Variants in ZNF423 observed in about 807,000 individuals in gnomAD.
The protein encoded by ZNF423 is Ebf-associated zinc finger protein.
In ZNF423, 12 loss-of-function variants were observed where a neutral mutation model predicts 95.8. The ratio of observed to expected loss-of-function variants is 0.13; its 90% CI spans 0.08 to 0.20. The LOEUF is 0.20. Among genes scored for constraint, ZNF423 ranks in the 10% least tolerant of loss-of-function variants. The probability of loss-of-function intolerance (pLI) is 1.00; values close to 1 mark genes in which losing one functional copy is unlikely to be tolerated. For missense variants in ZNF423, 1,316 were observed against 1,737.1 expected (o/e 0.76, Z 4.31); for synonymous variants, 749 against 711.9 (o/e 1.05, Z -0.83).
intron 1 of ZNF423, among the ~76,000 whole-genome samples, chr16:49,793,766 G>A (rs2034452873): frequency 6.6e-6 from 1 of 152,158 alleles, no homozygotes; most frequent in African/African-American, 2.4e-5. Flanking sequence ...ACAGAGCGGA[G>A]GCATGAGGGC....
intron 5 of ZNF423, among the ~76,000 whole-genome samples, chr16:49,564,014 C>T (rs1970102003): frequency 6.6e-6 from 1 of 152,224 alleles, no homozygotes; most frequent in Non-Finnish European, 1.5e-5. Context: ...TACCAGCAGG[C>T]TCTTTGCCTA....
intron 3 of ZNF423, among the ~76,000 whole-genome samples, chr16:49,649,610 A>G (rs1819866): frequency 0.77 from 116,489 of 151,360 alleles, 45,500 homozygotes; most frequent in African/African-American, 0.89. Context: ...AACATTAAAC[A>G]CTAAAGAAAC....
At chr16:49,738,426 A>ACTG (rs2033340333) in intron 2 of ZNF423, among the ~76,000 whole-genome samples, 1 of 152,174 alleles carries the variant, frequency 6.6e-6, no homozygotes, top group Non-Finnish European at 1.5e-5. Flanking sequence ...TGACCAAGGC[A>ACTG]AGTCCCCTAC....
At chr16:49,729,621 G>C (rs930347920) in intron 3 of ZNF423, among the ~76,000 whole-genome samples, 1 of 150,060 alleles carries the variant, frequency 6.7e-6, no homozygotes, top group Non-Finnish European at 1.5e-5. Flanking sequence ...GTCCAAAACT[G>C]TAAGATTCCT....
At chr16:49,721,027 T>A (rs923157710) in intron 3 of ZNF423, among the ~76,000 whole-genome samples, 2 of 152,214 alleles carry the variant, frequency 1.3e-5, no homozygotes, top group African/African-American at 4.8e-5. Flanking sequence ...GTCGAAAAGG[T>A]GGAGCCTGGA....
intron 1 of ZNF423, among the ~76,000 whole-genome samples, chr16:49,834,127 A>G (rs1049948264): frequency 6.6e-6 from 1 of 152,162 alleles, no homozygotes; most frequent in African/African-American, 2.4e-5. Context: ...GTCAGGATCA[A>G]TTGGAGGATG....
At chr16:49,757,334 A>G (rs527488853) in intron 2 of ZNF423, among the ~76,000 whole-genome samples, 1 of 152,298 alleles carries the variant, frequency 6.6e-6, no homozygotes, top group East Asian at 1.9e-4. Flanking sequence ...CTGAACTTCT[A>G]ACAAAGGGAG....
At chr16:49,743,455 C>G (rs1004797593) in intron 2 of ZNF423, among the ~76,000 whole-genome samples, 6 of 152,176 alleles carry the variant, frequency 3.9e-5, no homozygotes, top group African/African-American at 1.4e-4. Context: ...CCTTCTCCAC[C>G]TCTCAGCACC....
chr16:49,568,995 C>T (rs55941514), intron 5 of ZNF423, among the ~76,000 whole-genome samples: 5,031 of 152,208 alleles, frequency 0.033, 146 homozygotes, highest in Non-Finnish European at 0.046. Context: ...TTAGACCCCA[C>T]CAGCCCCTTC....
At chr16:49,589,517 C>T (rs544194831) in intron 5 of ZNF423, among the ~76,000 whole-genome samples, 58 of 151,540 alleles carry the variant, frequency 3.8e-4, no homozygotes, top group African/African-American at 1.0e-3. Context: ...TTTATCTAGA[C>T]GCCAGAAGCT....
intron 1 of ZNF423, among the ~76,000 whole-genome samples, chr16:49,801,195 C>T (rs943940038): frequency 1.3e-5 from 2 of 152,220 alleles, no homozygotes; most frequent in African/African-American, 4.8e-5. Flanking sequence ...CCACAGCCTG[C>T]CTCTCTGTGC....
intron 3 of ZNF423, among the ~76,000 whole-genome samples, chr16:49,647,289 C>T (rs1973213738): frequency 6.6e-6 from 1 of 152,252 alleles, no homozygotes; most frequent in Admixed American, 6.5e-5. Flanking sequence ...ATGAATGTTG[C>T]TGGCCTCTTT....
intron 5 of ZNF423, among the ~76,000 whole-genome samples, chr16:49,551,091 T>C (rs1969615931): frequency 6.6e-6 from 1 of 152,234 alleles, no homozygotes; most frequent in Admixed American, 6.5e-5. Context: ...GCTATCTCTA[T>C]GCCCCTTCCA....
In ZNF423 at chr16:49,565,261, A is replaced by T. The variant is rs147281903; in HGVS notation, c.3602-39767T>A. Among the ~76,000 whole-genome samples, 251 of 152,288 alleles carry T rather than the reference A, an allele frequency of 1.6e-3. 2 individuals carry two copies. The highest frequency in any genetic ancestry group is 2.9e-3 in the Non-Finnish European group (197 of 68,024). On this transcript the variant is annotated intron_variant, in intron 5 of 7. Transcript: ENST00000563137. ...TGTCCAGCTCTCCCACACCTACGAA[A>T]CACGTGGGCCCAGAGTGGCCAAGAT...
chr16:49,753,121 G>A (rs1226607176), intron 2 of ZNF423, among the ~76,000 whole-genome samples: 1 of 108,788 alleles, frequency 9.2e-6, no homozygotes, highest in Non-Finnish European at 2.1e-5. Flanking sequence ...GCGTGAGCCT[G>A]TAGTCCCAGC....
intron 1 of ZNF423, among the ~76,000 whole-genome samples, chr16:49,795,378 A>G (rs576079893): frequency 1.3e-5 from 2 of 152,276 alleles, no homozygotes; most frequent in East Asian, 3.9e-4. Flanking sequence ...CAGCTCCCTC[A>G]TGGCGCTCAC....
rs113983887 is a variant in ZNF423 at position 49,737,512 on chromosome 16, G to A, written c.101-6541C>T. On this transcript the variant is annotated intron_variant, in intron 2 of 7. Coordinates refer to ENST00000563137, the MANE Select transcript of ZNF423 (RefSeq NM_001379286.1). ...CTCAAACTTCTGATCCACCCGCCTCGGCCTCCCGAAGTGCTGGGAATACAG... is the reference window on the plus strand; with the variant it reads ...CTCAAACTTCTGATCCACCCGCCTCAGCCTCCCGAAGTGCTGGGAATACAG... 9.9e-4 allele frequency among the ~76,000 whole-genome samples: 150 copies of A among 152,280 alleles called. 1 individual carries two copies. The highest frequency in any genetic ancestry group is 3.5e-3 in the African/African-American group (146 of 41,572).
intron 3 of ZNF423, among the ~76,000 whole-genome samples, chr16:49,689,198 T>C (rs2031682475): frequency 6.6e-6 from 1 of 151,856 alleles, no homozygotes; most frequent in African/African-American, 2.4e-5. Flanking sequence ...TCCCAGCACT[T>C]TGGGAGGTCA....
At chr16:49,655,591 C>T (rs919530632) in intron 3 of ZNF423, among the ~76,000 whole-genome samples, 5 of 152,202 alleles carry the variant, frequency 3.3e-5, no homozygotes, top group Non-Finnish European at 7.3e-5. Context: ...ACTCCCCTCA[C>T]AAGGATCCCT....
Sources: gnomAD v4.1 joint callset for allele counts (sites outside exome capture counted in the v4.1 genomes callset) on GRCh38, gnomAD v4.1.1 for gene constraint, MANE v1.5 for transcripts, NCBI Gene and HGNC (gene_info 2026-07-23, HGNC 2026-07-21) for gene names.